The following HACL1 variants were observed in gnomAD, a reference collection of about 807,000 sequenced individuals.
The protein encoded by HACL1 is 1600020H07Rik.
Under a neutral mutation model 74.2 loss-of-function variants are expected in HACL1, and 64 were observed. The observed-to-expected ratio is 0.86, with a 90% CI of 0.70 to 1.06. The LOEUF is 1.06. HACL1 is among the 50% of genes least tolerant of loss of function. The pLI is 0.00. For synonymous variants in HACL1, 230 were observed against 238.8 expected (o/e 0.96, Z 0.34); for missense variants, 728 against 719.7 (o/e 1.01, Z -0.13).
At chr3:15,574,538 A>C (rs539150152) in intron 10 of HACL1, among the ~76,000 whole-genome samples, 3 of 152,248 alleles carry the variant, frequency 2.0e-5, no homozygotes, top group Non-Finnish European at 4.4e-5. Flanking sequence ...TACATTCCGG[A>C]TGCTGTTTAA....
chr3:15,563,788 G>T (rs189804229), intron 15 of HACL1, among the ~76,000 whole-genome samples: 2 of 152,200 alleles, frequency 1.3e-5, no homozygotes, highest in Admixed American at 1.3e-4. Context: ...ATCCAAGACA[G>T]TAGCCACTAT....
chr3:15,580,107 A>C, intron 8 of HACL1, 62 bp from the exon 9 acceptor site: 1 of 1,350,848 alleles, frequency 7.4e-7, no homozygotes. Context: ...GACCCTTAAA[A>C]AAGTTCATGT....
At chr3:15,579,720 G>A (rs981733954) in intron 9 of HACL1, among the ~76,000 whole-genome samples, 190 bp downstream of exon 9, 5 of 152,086 alleles carry the variant, frequency 3.3e-5, no homozygotes, top group African/African-American at 7.2e-5. Flanking sequence ...TACATACAGA[G>A]CAACAATAAT....
rs114840556 is a variant in HACL1, at chr3:15,583,587, T to G, written c.555-598A>C. ...GCACGTGGCAGAGACAGGACTGAAC[T>G]AGTCATTCTGTCTCCAAAGTCCATG... On this transcript the variant is annotated intron_variant, in intron 7 of 16. Coordinates refer to ENST00000321169, the MANE Select transcript of HACL1 (RefSeq NM_012260.4). Among the ~76,000 whole-genome samples the G allele has an allele frequency of 2.3e-3, 351 of 152,048 alleles. 4 individuals carry two copies. The highest frequency in any genetic ancestry group is 6.4e-3 in the Admixed American group (97 of 15,266).
At position 15,563,522 on chromosome 3, in the gene HACL1, G is replaced by A. The variant is rs1368627152; in HGVS notation, c.1540C>T (p.Pro514Ser). 1 of 1,610,226 alleles carries A rather than the reference G, an allele frequency of 6.2e-7. No individual in the cohort carries two copies. The highest frequency in any genetic ancestry group is 8.5e-7 in the Non-Finnish European group (1 of 1,176,846). Residue 514 changes from proline (P) to serine (S), a missense_variant, in exon 16 of 17, where the codon CCA becomes TCA. Physicochemically the swap from Pro to Ser is moderately conservative, Grantham distance 74 (BLOSUM62 -1). Transcript: ENST00000321169. ...ATGACTTGCTCATAATGTGAATTTG[G>A]CAGCAAACACATTGGAGGGACCCTG... ...TAVVPPMCLL[P>S]NSHYEQVMTA...
chr3:15,580,877 C>T (rs1465913974), intron 8 of HACL1, among the ~76,000 whole-genome samples: 1 of 152,188 alleles, frequency 6.6e-6, no homozygotes, highest in Non-Finnish European at 1.5e-5. Flanking sequence ...TGTAACAGAG[C>T]TAACCCCAGT....
At chr3:15,575,855 T>C (rs1350319308) in intron 9 of HACL1, among the ~76,000 whole-genome samples, 1 of 151,952 alleles carries the variant, frequency 6.6e-6, no homozygotes, top group African/African-American at 2.4e-5. Flanking sequence ...CATATACTTT[T>C]GCTTACATAA....
Position 15,591,661 on chromosome 3 carries a change from C to A in HACL1, c.247G>T (p.Val83Phe). Residue 83 changes from valine to phenylalanine, a missense_variant, in exon 4 of 17, where the codon GTT becomes TTT. Physicochemically the swap from Val to Phe is conservative, Grantham distance 50 (BLOSUM62 -1). Coordinates refer to ENST00000321169, the MANE Select transcript of HACL1 (RefSeq NM_012260.4). ...GCATGGATGAGACCTGGGCCAGAAA[C>A]AACAAGGCAGACTCCTGGCCTAAAA... ...LTSRPGVCLVVSGPGLIHALG... is the reference protein window; with the variant it reads ...LTSRPGVCLVFSGPGLIHALG... The A allele has an allele frequency of 6.2e-7, 1 of 1,611,340 alleles. No homozygotes were observed. Among genetic ancestry groups the A allele is most frequent in the South Asian group, 1.1e-5 (1 of 90,984 alleles).
intron 8 of HACL1, among the ~76,000 whole-genome samples, chr3:15,582,453 T>C (rs1371857670): frequency 6.6e-6 from 1 of 152,174 alleles, no homozygotes; most frequent in Non-Finnish European, 1.5e-5. Flanking sequence ...ATTTAGGAAA[T>C]ACTTTTAAGA....
At chr3:15,580,348 T>C (rs1038595692) in intron 8 of HACL1, among the ~76,000 whole-genome samples, 1 of 152,126 alleles carries the variant, frequency 6.6e-6, no homozygotes, top group Non-Finnish European at 1.5e-5. Flanking sequence ...CCAGCTGGTA[T>C]GCTGGTCTTG....
chr3:15,583,674 T>G (rs2063748049), intron 7 of HACL1, among the ~76,000 whole-genome samples: 1 of 150,500 alleles, frequency 6.6e-6, no homozygotes, highest in Non-Finnish European at 1.5e-5. Context: ...TTTTCTTTTG[T>G]GGAGACAGAG....
chr3:15,578,453 G>A (rs1195790503), intron 9 of HACL1, among the ~76,000 whole-genome samples: 1 of 152,206 alleles, frequency 6.6e-6, no homozygotes, highest in East Asian at 1.9e-4. Context: ...AACCCACACA[G>A]AGGGTAAGTT....
chr3:15,578,032 A>AGCTT (rs1317949535), intron 9 of HACL1, among the ~76,000 whole-genome samples: 2 of 145,840 alleles, frequency 1.4e-5, no homozygotes, highest in South Asian at 2.2e-4. Flanking sequence ...CAGGAGACAG[A>AGCTT]GCTTGCAGTG....
intron 4 of HACL1, among the ~76,000 whole-genome samples, chr3:15,590,565 G>A (rs1330567890): frequency 1.3e-5 from 2 of 152,140 alleles, no homozygotes; most frequent in African/African-American, 2.4e-5. Context: ...GGAGTTAAGG[G>A]CAAGATCAGA....
chr3:15,592,074 G>GTATATATACGTATA (rs71045168), intron 3 of HACL1, among the ~76,000 whole-genome samples: 4 of 131,526 alleles, frequency 3.0e-5, no homozygotes, highest in African/African-American at 1.2e-4. Context: ...ACGTATATAC[G>GTATATATACGTATA]TATACGTATA....
rs187017182 is a variant in HACL1, at chr3:15,599,607, G to A, written c.186+1483C>T. On this transcript the variant is annotated intron_variant, in intron 2 of 16. Coordinates refer to ENST00000321169, the MANE Select transcript of HACL1 (RefSeq NM_012260.4). ...AGCTCACCATGCCTTTACCTACCTT[G>A]AGGGAACCACATGAACTAACATTAC... 1.9e-3 allele frequency among the ~76,000 whole-genome samples: 284 copies of A among 151,864 alleles called. 2 individuals carry two copies. Among genetic ancestry groups the A allele is most frequent in the Non-Finnish European group, 1.6e-3 (106 of 68,002 alleles).
chr3:15,575,800 C>A (rs2063614718), intron 9 of HACL1, among the ~76,000 whole-genome samples: 1 of 151,956 alleles, frequency 6.6e-6, no homozygotes, highest in Admixed American at 6.6e-5. Flanking sequence ...CTTGGCCTCC[C>A]AAATTGTTTG....
chr3:15,575,306 G>C (rs1320965969), intron 9 of HACL1, among the ~76,000 whole-genome samples: 1 of 151,484 alleles, frequency 6.6e-6, no homozygotes, highest in Non-Finnish European at 1.5e-5. Context: ...ATTACCATAA[G>C]CTGTATCTAC....
In HACL1 at chr3:15,595,696, G is replaced by A. The variant is rs190839860; in HGVS notation, c.227+688C>T. 6.0e-5 allele frequency among the ~76,000 whole-genome samples: 8 copies of A among 132,688 alleles called. No homozygotes were observed. In the East Asian group the frequency reaches 9.5e-4, roughly 16 times the overall value. The allele number at this position is 132,688 out of a possible 152,430, so 87.0% of individuals were successfully genotyped here. A position where few individuals can be genotyped will look rare whatever the true frequency, so the allele number is the denominator to read the frequency against. ...GCAATCTCAGCTCACTGCAACCTCC[G>A]CCTCCTGGGTTCAAGCCGATTCTCC... is the stretch of plus-strand genomic sequence containing the variant. On this transcript the variant is annotated intron_variant, in intron 3 of 16. Coordinates refer to ENST00000321169, the MANE Select transcript of HACL1 (RefSeq NM_012260.4).
Sources: gnomAD v4.1 joint callset for allele counts (sites outside exome capture counted in the v4.1 genomes callset) on GRCh38, gnomAD v4.1.1 for gene constraint, MANE v1.5 for transcripts, NCBI Gene and HGNC (gene_info 2026-07-23, HGNC 2026-07-21) for gene names.